The following RSRC1 variants were observed in gnomAD, a reference collection of about 807,000 sequenced individuals.
The protein encoded by RSRC1 is arginine and serine rich coiled-coil 1.
RSRC1 carries 39 observed loss-of-function variants against 49.1 expected under a neutral mutation model. That is an observed-to-expected ratio of 0.79 (90% CI 0.61 to 1.04). The LOEUF (loss-of-function observed/expected upper bound fraction) is 1.04. RSRC1 is among the 50% of genes least tolerant of loss of function. The probability of loss-of-function intolerance (pLI) is 0.00; values close to 1 mark genes in which losing one functional copy is unlikely to be tolerated. For synonymous variants in RSRC1, 143 were observed against 130.8 expected (o/e 1.09, Z -0.63); for missense variants, 388 against 402.4 (o/e 0.96, Z 0.31).
intron 6 of RSRC1, among the ~76,000 whole-genome samples, chr3:158,414,280 C>T (rs1444517618): frequency 6.6e-6 from 1 of 152,066 alleles, no homozygotes; most frequent in Non-Finnish European, 1.5e-5. Context: ...AGCCATTATC[C>T]TCAGCAGACT....
At chr3:158,224,943 C>G (rs1339463057) in intron 4 of RSRC1, among the ~76,000 whole-genome samples, 1 of 151,800 alleles carries the variant, frequency 6.6e-6, no homozygotes, top group Non-Finnish European at 1.5e-5. Context: ...TCCTTTCTGG[C>G]TAAGTAAATG....
At chr3:158,275,391 TA>T (rs1206356822) in intron 4 of RSRC1, among the ~76,000 whole-genome samples, 1 of 152,106 alleles carries the variant, frequency 6.6e-6, no homozygotes, top group Non-Finnish European at 1.5e-5. Flanking sequence ...AAGCCCAATT[TA>T]AAAAGTCTGT....
At chr3:158,429,690 A>G (rs910855281) in intron 6 of RSRC1, among the ~76,000 whole-genome samples, 1 of 151,420 alleles carries the variant, frequency 6.6e-6, no homozygotes, top group African/African-American at 2.4e-5. Context: ...ATAGAATAGT[A>G]TCCAACCTGA....
chr3:158,355,353 T>C (rs1265017275), intron 6 of RSRC1, among the ~76,000 whole-genome samples: 1 of 151,656 alleles, frequency 6.6e-6, no homozygotes, highest in Non-Finnish European at 1.5e-5. Flanking sequence ...TTATGGCTTT[T>C]ATTTATATAA....
intron 1 of RSRC1, among the ~76,000 whole-genome samples, chr3:158,111,086 G>A (rs1035704699): frequency 6.6e-6 from 1 of 152,176 alleles, no homozygotes; most frequent in Non-Finnish European, 1.5e-5. Context: ...TCACAAGAAA[G>A]CATTCGAGTT....
intron 6 of RSRC1, among the ~76,000 whole-genome samples, chr3:158,374,414 A>G (rs947679386): frequency 9.9e-5 from 15 of 152,140 alleles, no homozygotes; most frequent in African/African-American, 3.4e-4. Context: ...GCTCTTTTGT[A>G]TGGTTCTTTC....
At chr3:158,254,264 C>A (rs1055207217) in intron 4 of RSRC1, among the ~76,000 whole-genome samples, 2 of 152,152 alleles carry the variant, frequency 1.3e-5, no homozygotes, top group Non-Finnish European at 2.9e-5. Context: ...GATTTATAAT[C>A]CTTTGGGTAT....
intron 3 of RSRC1, among the ~76,000 whole-genome samples, chr3:158,195,978 CG>C (rs1167012336): frequency 2.0e-5 from 3 of 151,896 alleles, no homozygotes; most frequent in Non-Finnish European, 4.4e-5. Context: ...CTTGGCGATG[CG>C]GGCTCTTTTT....
chr3:158,380,277 CT>C (rs1732630503), intron 6 of RSRC1, among the ~76,000 whole-genome samples: 1 of 152,040 alleles, frequency 6.6e-6, no homozygotes, highest in South Asian at 2.1e-4. Context: ...GATATCTGTG[CT>C]GCTTTGTGAC....
chr3:158,345,751 G>C (rs1295605271), intron 5 of RSRC1, among the ~76,000 whole-genome samples: 2 of 147,804 alleles, frequency 1.4e-5, no homozygotes, highest in African/African-American at 4.9e-5. Context: ...TCTAGAAAGA[G>C]ACTCATCATA....
chr3:158,415,217 T>G (rs1734680472), intron 6 of RSRC1, among the ~76,000 whole-genome samples: 2 of 152,126 alleles, frequency 1.3e-5, no homozygotes, highest in African/African-American at 4.8e-5. Context: ...ATGATCTACT[T>G]GTACCCAGAA....
intron 7 of RSRC1, among the ~76,000 whole-genome samples, chr3:158,498,925 CTA>C (rs778334070): frequency 8.7e-4 from 132 of 152,232 alleles, no homozygotes; most frequent in Non-Finnish European, 1.3e-3. Context: ...TTCCATTAGT[CTA>C]TGTGCCTATT....
At chr3:158,340,473 G>A (rs60364048) in intron 5 of RSRC1, among the ~76,000 whole-genome samples, 11,438 of 152,000 alleles carry the variant, frequency 0.075, 489 homozygotes, top group South Asian at 0.13. Flanking sequence ...CCCGGGAGGC[G>A]GAGGTTGCAG....
chr3:158,148,593 A>G (rs901649478), intron 3 of RSRC1, among the ~76,000 whole-genome samples: 2 of 152,130 alleles, frequency 1.3e-5, no homozygotes, highest in Non-Finnish European at 2.9e-5. Flanking sequence ...TTTGAATGTC[A>G]TAAACTCATC....
chr3:158,410,022 T>C (rs1256423234), intron 6 of RSRC1, among the ~76,000 whole-genome samples: 1 of 152,126 alleles, frequency 6.6e-6, no homozygotes, highest in Non-Finnish European at 1.5e-5. Context: ...TGTGAAAGGA[T>C]ATAGGAAAGT....
At chr3:158,543,656 A>G in intron 9 of RSRC1, 169 bp downstream of exon 9, 1 of 584,792 alleles carries the variant, frequency 1.7e-6, no homozygotes, top group South Asian at 3.1e-5. Flanking sequence ...TGTTATCTAT[A>G]TTTGAATACA....
intron 6 of RSRC1, among the ~76,000 whole-genome samples, chr3:158,409,088 C>T (rs1481323651): frequency 1.3e-5 from 2 of 151,786 alleles, no homozygotes; most frequent in Non-Finnish European, 2.9e-5. Flanking sequence ...GATGAGAACA[C>T]ACAGACACGT....
intron 6 of RSRC1, among the ~76,000 whole-genome samples, chr3:158,388,706 T>A (rs1480664101): frequency 6.6e-6 from 1 of 150,916 alleles, no homozygotes; most frequent in African/African-American, 2.5e-5. Context: ...GCCTCCCGGG[T>A]TGACGCCATT....
At chr3:158,485,022 A>G (rs1353753455) in intron 7 of RSRC1, among the ~76,000 whole-genome samples, 1 of 152,086 alleles carries the variant, frequency 6.6e-6, no homozygotes, top group Non-Finnish European at 1.5e-5. Flanking sequence ...TCCTAAATCT[A>G]TAGAGCCCAT....
Sources: allele counts gnomAD v4.1 joint callset (sites outside exome capture counted in the v4.1 genomes callset), GRCh38; gene constraint gnomAD v4.1.1; transcripts MANE v1.5; gene names NCBI Gene and HGNC (gene_info 2026-07-23, HGNC 2026-07-21).